The following CCDC60 variants were observed in gnomAD, a reference collection of about 807,000 sequenced individuals.
CCDC60 encodes the protein coiled-coil domain-containing protein 60.
Under a neutral mutation model 63.5 loss-of-function variants are expected in CCDC60, and 54 were observed. The ratio of observed to expected loss-of-function variants is 0.85; its 90% CI spans 0.68 to 1.07. The LOEUF (loss-of-function observed/expected upper bound fraction) is 1.07. Ranked by LOEUF, CCDC60 falls within the 50% of genes least tolerant of loss-of-function variation. The pLI, the probability that CCDC60 is intolerant of heterozygous loss-of-function variation, is 0.00. For synonymous variants in CCDC60, 206 were observed against 238.8 expected (o/e 0.86, Z 1.27); for missense variants, 651 against 684.3 (o/e 0.95, Z 0.54).
intron 7 of CCDC60, among the ~76,000 whole-genome samples, chr12:119,510,827 G>A (rs1258304481): frequency 1.3e-5 from 2 of 152,164 alleles, no homozygotes; most frequent in Non-Finnish European, 2.9e-5. Context: ...CCCACTCCCA[G>A]CTGAGTTTAA....
chr12:119,382,904 C>G (rs570671336), intron 1 of CCDC60, among the ~76,000 whole-genome samples: 6 of 152,260 alleles, frequency 3.9e-5, no homozygotes, highest in African/African-American at 1.4e-4. Context: ...TCCTTTGCTC[C>G]CAAAGAGATG....
intron 1 of CCDC60, among the ~76,000 whole-genome samples, chr12:119,418,155 G>GCATA (rs1956737720): frequency 6.6e-6 from 1 of 151,834 alleles, no homozygotes; most frequent in Admixed American, 6.6e-5. Flanking sequence ...ATGTATGTAT[G>GCATA]CATACATGTG....
chr12:119,377,125 C>T (rs138959886), intron 1 of CCDC60, among the ~76,000 whole-genome samples: 11,772 of 151,760 alleles, frequency 0.078, 523 homozygotes, highest in Middle Eastern at 0.15. Flanking sequence ...TGTGGTGGCA[C>T]GTGCCTGTAA....
chr12:119,453,096 G>A (rs2136286288), intron 2 of CCDC60, among the ~76,000 whole-genome samples: 1 of 152,246 alleles, frequency 6.6e-6, no homozygotes, highest in East Asian at 1.9e-4. Context: ...CAAAGTTTTG[G>A]GATTACAGGC....
intron 1 of CCDC60, among the ~76,000 whole-genome samples, chr12:119,383,856 G>A (rs1956033303): frequency 6.6e-6 from 1 of 152,116 alleles, no homozygotes; most frequent in African/African-American, 2.4e-5. Context: ...AAAAGACTTG[G>A]GGTGTCCATG....
chr12:119,539,105 C>T lies in CCDC60; in HGVS notation c.1552-1509C>T, dbSNP rs556108176. ...GGCACCAGCCTGATGCCAGCCAGAG[C>T]TCTCCCATATGAGGTGTCTGTCAAC... On this transcript the variant is annotated intron_variant, in intron 13 of 13. Coordinates refer to ENST00000327554, the MANE Select transcript of CCDC60 (RefSeq NM_178499.5). Among the ~76,000 whole-genome samples the T allele has an allele frequency of 2.7e-3, 415 of 152,330 alleles. 2 individuals are homozygous for T. Among genetic ancestry groups the T allele is most frequent in the Admixed American group, 5.0e-3 (76 of 15,296 alleles).
chr12:119,412,763 A>ACCCCCCCCCCC (rs150785942), intron 1 of CCDC60, among the ~76,000 whole-genome samples: 5 of 88,014 alleles, frequency 5.7e-5, no homozygotes, highest in East Asian at 5.6e-4. Flanking sequence ...AAAGCCCCCC[A>ACCCCCCCCCCC]CCCCCCCCCA....
chr12:119,361,007 G>A (rs962116631), intron 1 of CCDC60, among the ~76,000 whole-genome samples: 5 of 151,914 alleles, frequency 3.3e-5, no homozygotes, highest in Admixed American at 1.3e-4. Flanking sequence ...GTGGCGGCGT[G>A]CGCCTGCAAT....
At chr12:119,509,792 A>G (rs1039087368) in intron 7 of CCDC60, among the ~76,000 whole-genome samples, 2 of 152,174 alleles carry the variant, frequency 1.3e-5, no homozygotes, top group African/African-American at 2.4e-5. Context: ...TGATGAGAAC[A>G]TTGGGGCACA....
intron 5 of CCDC60, among the ~76,000 whole-genome samples, chr12:119,491,348 A>T (rs1951579003): frequency 6.6e-6 from 1 of 152,002 alleles, no homozygotes; most frequent in Non-Finnish European, 1.5e-5. Flanking sequence ...TTTGTTTTTG[A>T]GATGGAGTCT....
chr12:119,378,245 G>A (rs1274307218), intron 1 of CCDC60, among the ~76,000 whole-genome samples: 1 of 152,156 alleles, frequency 6.6e-6, no homozygotes, highest in African/African-American at 2.4e-5. Context: ...AGGGAAGATG[G>A]AGCCACCATG....
Position 119,341,098 on chromosome 12 carries a change from G to T in CCDC60, c.90+5832G>T, listed in dbSNP as rs184255977. On this transcript the variant is annotated intron_variant, in intron 1 of 13. Transcript: ENST00000327554. ...GTTTTTTGTTTAGGTGGTTTGTTTG[G>T]TTTTTTGTTTTGTTTTGTTATCTTT... Among the ~76,000 whole-genome samples, 8 of 152,272 alleles carry T rather than the reference G, an allele frequency of 5.3e-5. No individual in the cohort carries two copies. In the East Asian group the frequency reaches 5.8e-4, roughly 11 times the overall value.
intron 1 of CCDC60, among the ~76,000 whole-genome samples, chr12:119,357,336 C>T (rs922583267): frequency 6.6e-6 from 1 of 152,142 alleles, no homozygotes; most frequent in East Asian, 1.9e-4. Flanking sequence ...AACATTAGAA[C>T]TTATTTCTTC....
intron 11 of CCDC60, chr12:119,524,563 A>G: frequency 4.2e-6 from 2 of 472,374 alleles, no homozygotes; most frequent in Non-Finnish European, 5.5e-6. Flanking sequence ...CTAACAGTCC[A>G]GTAGGGAAGA....
chr12:119,402,977 CAA>C (rs1956419992), intron 1 of CCDC60, among the ~76,000 whole-genome samples: 2 of 152,174 alleles, frequency 1.3e-5, no homozygotes, highest in South Asian at 4.1e-4. Flanking sequence ...AAAAAGTCCA[CAA>C]ATAAACCTAG....
At chr12:119,518,526 T>G (rs1952413724) in intron 8 of CCDC60, among the ~76,000 whole-genome samples, 1 of 152,184 alleles carries the variant, frequency 6.6e-6, no homozygotes, top group South Asian at 2.1e-4. Flanking sequence ...ATGAGGCTCA[T>G]TAGCAGCCAA....
intron 1 of CCDC60, among the ~76,000 whole-genome samples, chr12:119,398,571 G>A (rs113855537): frequency 0.012 from 1,779 of 152,348 alleles, 39 homozygotes; most frequent in African/African-American, 0.041. Context: ...AGGGCTGCTA[G>A]CACCTTTGTC....
intron 1 of CCDC60, among the ~76,000 whole-genome samples, chr12:119,391,965 A>G (rs1031237640): frequency 1.6e-4 from 24 of 152,122 alleles, no homozygotes; most frequent in Admixed American, 5.9e-4. Context: ...TGGGTGTGCA[A>G]TATTGCAGAG....
chr12:119,396,174 G>C (rs1337924362), intron 1 of CCDC60, among the ~76,000 whole-genome samples: 2 of 152,088 alleles, frequency 1.3e-5, no homozygotes, highest in African/African-American at 2.4e-5. Flanking sequence ...CTGACCTCAA[G>C]TGATTCCCCC....
Sources: gnomAD v4.1 joint callset for allele counts (sites outside exome capture counted in the v4.1 genomes callset) on GRCh38, gnomAD v4.1.1 for gene constraint, MANE v1.5 for transcripts, NCBI Gene and HGNC (gene_info 2026-07-23, HGNC 2026-07-21) for gene names.